The following PPFIA1 variants were observed in gnomAD, a reference collection of about 807,000 sequenced individuals.
The protein encoded by PPFIA1 is liprin-alpha-1.
A neutral mutation model predicts 149.9 loss-of-function variants in PPFIA1; 25 were observed. The observed-to-expected ratio is 0.17, with a 90% CI of 0.12 to 0.23. The LOEUF (loss-of-function observed/expected upper bound fraction) is 0.23, where lower values mean the gene tolerates loss of function less well. Ranked by LOEUF, PPFIA1 falls within the 10% of genes least tolerant of loss-of-function variation. The pLI, the probability that PPFIA1 is intolerant of heterozygous loss-of-function variation, is 1.00. For synonymous variants in PPFIA1, 549 were observed against 552.8 expected, an observed-to-expected ratio of 0.99 and a Z score of 0.10; for missense variants, 1,362 against 1,506.5, an observed-to-expected ratio of 0.90 and a Z score of 1.59.
intron 15 of PPFIA1, chr11:70,345,834 T>A: frequency 4.5e-6 from 1 of 222,726 alleles, no homozygotes; most frequent in South Asian, 4.7e-5. Flanking sequence ...TCAAAAAATA[T>A]AAAAATTAGG....
rs547994275 is a variant in PPFIA1 at position 70,307,563 on chromosome 11, C to T, written c.265-16839C>T. On this transcript the variant is annotated intron_variant, in intron 2 of 27. Coordinates refer to ENST00000253925, the MANE Select transcript of PPFIA1 (RefSeq NM_003626.5). ...GCTGAAAGGGAGATTTCTCTATATA[C>T]ACCTTTATTACTGATCCAAAAAAAT... 2.6e-5 allele frequency among the ~76,000 whole-genome samples: 4 copies of T among 152,226 alleles called. No individual in the cohort carries two copies. The South Asian group carries it at 8.3e-4, about 32-fold the overall frequency.
intron 2 of PPFIA1, among the ~76,000 whole-genome samples, chr11:70,302,773 T>TC (rs1351879516): frequency 2.6e-5 from 4 of 151,472 alleles, no homozygotes; most frequent in African/African-American, 9.7e-5. Context: ...AACACCATTT[T>TC]TTTTTTTTTT....
intron 9 of PPFIA1, among the ~76,000 whole-genome samples, chr11:70,332,475 A>G (rs1163172938): frequency 6.6e-6 from 1 of 152,226 alleles, no homozygotes; most frequent in East Asian, 1.9e-4. Context: ...AATTCTTCAT[A>G]AACACATTTT....
chr11:70,319,135 A>G (rs2053794605), intron 2 of PPFIA1, among the ~76,000 whole-genome samples: 1 of 152,234 alleles, frequency 6.6e-6, no homozygotes, highest in Admixed American at 6.5e-5. Flanking sequence ...CTTCTCAGGA[A>G]CCAATGACTC....
chr11:70,333,420 C>G lies in PPFIA1; in HGVS notation c.1213-50C>G, dbSNP rs749540813. On this transcript the variant is annotated intron_variant, in intron 9 of 27. Transcript: ENST00000253925. ...GCCACTGCAGTGGTATGCAGCATGT[C>G]GTTAATGAAGTGTAAGGATGACGTC... 4.8e-6 allele frequency: 7 copies of G among 1,450,566 alleles called. 1 individual carries two copies. In the South Asian group the frequency reaches 7.1e-5, roughly 15 times the overall value. 89.9% of individuals were successfully genotyped at this position (1,450,566 alleles called of 1,614,324 possible).
At chr11:70,296,014 C>T (rs1179574977) in intron 2 of PPFIA1, among the ~76,000 whole-genome samples, 6 of 150,554 alleles carry the variant, frequency 4.0e-5, no homozygotes, top group East Asian at 2.0e-4. Flanking sequence ...GGGTCGCGAC[C>T]GGGCAGAGGC....
chr11:70,295,612 C>T (rs2136266508), intron 2 of PPFIA1, among the ~76,000 whole-genome samples: 1 of 144,196 alleles, frequency 6.9e-6, no homozygotes, highest in Non-Finnish European at 1.5e-5. Flanking sequence ...AGAGGGGCTC[C>T]TCACTTCCCA....
At chr11:70,326,428 T>C in intron 6 of PPFIA1, 65 bp downstream of exon 6, 8 of 1,444,950 alleles carry the variant, frequency 5.5e-6, no homozygotes, top group Non-Finnish European at 7.7e-6. Flanking sequence ...TGTCGGGTTA[T>C]GTGGAAAACA....
intron 2 of PPFIA1, among the ~76,000 whole-genome samples, chr11:70,295,534 A>G (rs1400687543): frequency 3.6e-5 from 4 of 110,886 alleles, no homozygotes; most frequent in African/African-American, 1.1e-4. Context: ...TCCCTCCCGG[A>G]CGGGGCGGCT....
At chr11:70,379,836 T>C (rs1368971774) in intron 26 of PPFIA1, among the ~76,000 whole-genome samples, 2 of 152,230 alleles carry the variant, frequency 1.3e-5, no homozygotes, top group Non-Finnish European at 1.5e-5. Flanking sequence ...ATTTATTTAT[T>C]GTTTGCCAGA....
chr11:70,317,410 A>C (rs2053699448), intron 2 of PPFIA1, among the ~76,000 whole-genome samples: 1 of 152,166 alleles, frequency 6.6e-6, no homozygotes, highest in Admixed American at 6.6e-5. Flanking sequence ...GAGCAGAGAG[A>C]AAGGTTTTTT....
At chr11:70,360,757 A>C (rs1008911223) in intron 19 of PPFIA1, among the ~76,000 whole-genome samples, 1 of 152,260 alleles carries the variant, frequency 6.6e-6, no homozygotes, top group African/African-American at 2.4e-5. Flanking sequence ...AATGTATTGA[A>C]GAGCCAATAT....
chr11:70,350,936 C>T (rs2056018137), intron 16 of PPFIA1: 1 of 1,050,546 alleles, frequency 9.5e-7, no homozygotes, highest in Admixed American at 3.5e-5. Context: ...GAATTTTTAA[C>T]TTCAAAGTGT....
chr11:70,295,848 G>C (rs2051954063), intron 2 of PPFIA1, among the ~76,000 whole-genome samples: 1 of 151,966 alleles, frequency 6.6e-6, no homozygotes, highest in South Asian at 2.1e-4. Flanking sequence ...TCCCAGACGG[G>C]GTGGCTGCTG....
chr11:70,300,038 A>G (rs2136330246), intron 2 of PPFIA1, among the ~76,000 whole-genome samples: 1 of 131,160 alleles, frequency 7.6e-6, no homozygotes, highest in East Asian at 2.2e-4. Context: ...AGTGCCAGCC[A>G]TGCCCTCTGC....
intron 2 of PPFIA1, among the ~76,000 whole-genome samples, chr11:70,303,598 C>T (rs1429383340): frequency 6.6e-6 from 1 of 152,300 alleles, no homozygotes; most frequent in Non-Finnish European, 1.5e-5. Context: ...TGTGCCCTGG[C>T]CCCTGGCACA....
chr11:70,334,067 A>G (rs1477415941), intron 10 of PPFIA1, among the ~76,000 whole-genome samples: 2 of 152,332 alleles, frequency 1.3e-5, no homozygotes, highest in Admixed American at 6.5e-5. Flanking sequence ...ATTGAGCTAC[A>G]ATAAAAAGCA....
chr11:70,343,902 A>C lies in PPFIA1; in HGVS notation c.1931+10A>C, dbSNP rs574646237. On this transcript the variant is annotated intron_variant, in intron 15 of 27. Coordinates refer to ENST00000253925, the MANE Select transcript of PPFIA1 (RefSeq NM_003626.5). ...TCAACAAAGAGATCAGGTGTGTGCA[A>C]CCGTGCATGACACTCACCACACGCA... 4.4e-6 allele frequency: 7 copies of C among 1,607,230 alleles called. No homozygotes were observed. In the East Asian group the frequency reaches 9.0e-5, roughly 21 times the overall value.
chr11:70,338,950 G>A (rs1157547341), intron 13 of PPFIA1, among the ~76,000 whole-genome samples: 1 of 152,234 alleles, frequency 6.6e-6, no homozygotes, highest in African/African-American at 2.4e-5. Context: ...TGTCTGCACA[G>A]CTTTTCCTGG....
Sources: allele counts gnomAD v4.1 joint callset (sites outside exome capture counted in the v4.1 genomes callset), GRCh38; gene constraint gnomAD v4.1.1; transcripts MANE v1.5; gene names NCBI Gene and HGNC (gene_info 2026-07-23, HGNC 2026-07-21).